The following KAT6B variants were observed in gnomAD, a reference collection of about 807,000 sequenced individuals.
KAT6B encodes lysine acetyltransferase 6B.
KAT6B carries 10 observed loss-of-function variants against 187.5 expected under a neutral mutation model. That is an observed-to-expected ratio of 0.05 (90% CI 0.03 to 0.09). The LOEUF (loss-of-function observed/expected upper bound fraction) is 0.09, where lower values mean the gene tolerates loss of function less well. Among genes scored for constraint, KAT6B ranks in the 10% least tolerant of loss-of-function variants. The probability of loss-of-function intolerance (pLI) is 1.00; values close to 1 mark genes in which losing one functional copy is unlikely to be tolerated. For missense variants in KAT6B, 1,952 were observed against 2,558.9 expected (o/e 0.76, Z 5.12); for synonymous variants, 861 against 926.8 (o/e 0.93, Z 1.29).
At chr10:74,927,452 C>CTT (rs11479404) in intron 3 of KAT6B, among the ~76,000 whole-genome samples, 14 of 116,648 alleles carry the variant, frequency 1.2e-4, no homozygotes, top group Non-Finnish European at 1.2e-4. Context: ...TGCAAGAAAC[C>CTT]TTTTTTTTTT....
chr10:75,020,246 A>C (rs535609441), intron 13 of KAT6B, among the ~76,000 whole-genome samples: 20 of 152,346 alleles, frequency 1.3e-4, no homozygotes, highest in Admixed American at 8.5e-4. Context: ...TTTTTGAAAG[A>C]ATCTAAAGCT....
intron 16 of KAT6B, chr10:75,024,088 C>T (rs1012025231): frequency 5.9e-5 from 9 of 151,896 alleles, no homozygotes; most frequent in African/African-American, 2.2e-4. Context: ...TCATTTGTGC[C>T]AACCTTTAGT....
At chr10:74,849,344 A>C (rs1842319233) in intron 3 of KAT6B, among the ~76,000 whole-genome samples, 1 of 150,024 alleles carries the variant, frequency 6.7e-6, no homozygotes, top group Admixed American at 6.7e-5. Context: ...TCCAGACTGG[A>C]GTACGCTGGT....
Position 75,030,066 on chromosome 10 carries a change from G to A in KAT6B, c.5242G>A (p.Val1748Ile), listed in dbSNP as rs774598396. ...CATCAGCTCCCCTCCGACCTGCAGC[G>A]TCAAGTCTCCTCAAGGCTGTGTGGT... ...TSISSPPTCS[V>I]KSPQGCVVER... Residue 1748 changes from valine (V) to isoleucine (I), a missense_variant, in exon 18 of 18, where the codon GTC becomes ATC. Val to Ile is a conservative substitution (Grantham distance 29, BLOSUM62 3). Transcript: ENST00000287239. This position sits in a 1 kb window ranked among gnomAD's most constrained non-coding sequence, Gnocchi z 4.8. The A allele has an allele frequency of 1.4e-5, 23 of 1,614,084 alleles. No individual in the cohort carries two copies. Among genetic ancestry groups the A allele is most frequent in the Non-Finnish European group, 1.8e-5 (21 of 1,180,042 alleles).
At chr10:74,892,471 G>A (rs888174958) in intron 3 of KAT6B, among the ~76,000 whole-genome samples, 3 of 152,100 alleles carry the variant, frequency 2.0e-5, no homozygotes, top group African/African-American at 7.2e-5. Flanking sequence ...ACTATAGGTG[G>A]ACTTAGCCTT....
At chr10:74,838,504 C>T (rs1381868703) in intron 1 of KAT6B, among the ~76,000 whole-genome samples, 179 bp from the exon 2 acceptor site, 1 of 152,036 alleles carries the variant, frequency 6.6e-6, no homozygotes, top group Non-Finnish European at 1.5e-5. Context: ...CATTTTCTGT[C>T]TCAAGTTTCA....
At chr10:74,849,441 C>T (rs1842326920) in intron 3 of KAT6B, among the ~76,000 whole-genome samples, 1 of 151,732 alleles carries the variant, frequency 6.6e-6, no homozygotes, top group Non-Finnish European at 1.5e-5. Context: ...TACAGGCACG[C>T]ACCACCAAGC....
chr10:74,828,397 A>G (rs1420927952), intron 1 of KAT6B, among the ~76,000 whole-genome samples: 1 of 151,894 alleles, frequency 6.6e-6, no homozygotes, highest in Admixed American at 6.6e-5. Flanking sequence ...GAAATAGCAA[A>G]TGGAAATTAG....
intron 13 of KAT6B, among the ~76,000 whole-genome samples, chr10:74,995,673 T>C (rs527787152): frequency 5.9e-5 from 9 of 152,372 alleles, no homozygotes; most frequent in African/African-American, 1.9e-4. Context: ...TTCTTTTCTT[T>C]GACAGCTGCA....
At chr10:74,900,227 A>C (rs1319794353) in intron 3 of KAT6B, among the ~76,000 whole-genome samples, 1 of 152,210 alleles carries the variant, frequency 6.6e-6, no homozygotes, top group Admixed American at 6.5e-5. Flanking sequence ...AATATTTAAA[A>C]TTTGTCATCC....
At chr10:74,952,126 G>A (rs1407319824) in intron 3 of KAT6B, among the ~76,000 whole-genome samples, 4 of 152,180 alleles carry the variant, frequency 2.6e-5, no homozygotes, top group African/African-American at 7.2e-5. Context: ...AGGCCGAGGT[G>A]GGTGGATTGC....
At chr10:74,981,347 CT>C (rs1348383439) in intron 10 of KAT6B, among the ~76,000 whole-genome samples, 2 of 134,894 alleles carry the variant, frequency 1.5e-5, no homozygotes, top group African/African-American at 5.8e-5. Flanking sequence ...TCCTTTCTTC[CT>C]TTCTTTCCTT....
At chr10:74,847,170 T>A (rs1842168579) in intron 3 of KAT6B, among the ~76,000 whole-genome samples, 1 of 152,254 alleles carries the variant, frequency 6.6e-6, no homozygotes, top group South Asian at 2.1e-4. Flanking sequence ...TTACTGCTCT[T>A]TTTATGATGC....
At chr10:75,019,909 T>G (rs1306433686) in intron 13 of KAT6B, among the ~76,000 whole-genome samples, 3 of 152,312 alleles carry the variant, frequency 2.0e-5, no homozygotes, top group East Asian at 3.9e-4. Context: ...TTGTTTTGTT[T>G]TGTCTTAATT....
chr10:74,959,776 G>T (rs758946904), intron 3 of KAT6B, among the ~76,000 whole-genome samples, 194 bp from the exon 4 acceptor site: 1 of 152,250 alleles, frequency 6.6e-6, no homozygotes, highest in Non-Finnish European at 1.5e-5. Context: ...GCGACAGAGC[G>T]AGACTTCGTC....
In KAT6B at chr10:74,984,919, T is replaced by C. The variant is rs1467721311; in HGVS notation, c.2374-161T>C. 3 of 678,580 alleles carry C rather than the reference T, an allele frequency of 4.4e-6. No homozygotes were observed. The African/African-American group carries it at 5.4e-5, about 12-fold the overall frequency. The allele number at this position is 678,580 out of a possible 1,614,324, so 42.0% of individuals were successfully genotyped here. On this transcript the variant is annotated intron_variant, in intron 11 of 17. Coordinates refer to ENST00000287239, the MANE Select transcript of KAT6B (RefSeq NM_012330.4). Reference sequence around the variant, plus strand: ...AATTCTGATTTGCCAGTGACAGCTGTTTTCTGGTTAAAGCTGTACTTGCTT... The same window carrying C: ...AATTCTGATTTGCCAGTGACAGCTGCTTTCTGGTTAAAGCTGTACTTGCTT...
At chr10:74,896,709 T>G (rs1469447484) in intron 3 of KAT6B, among the ~76,000 whole-genome samples, 1 of 152,262 alleles carries the variant, frequency 6.6e-6, no homozygotes, top group Non-Finnish European at 1.5e-5. Context: ...TAATTTTATC[T>G]GCTAAGATTT....
chr10:74,906,905 A>T (rs1288043137), intron 3 of KAT6B, among the ~76,000 whole-genome samples: 1 of 152,148 alleles, frequency 6.6e-6, no homozygotes, highest in Non-Finnish European at 1.5e-5. Context: ...ACCTGGTCAC[A>T]GCTTTGCAGT....
At chr10:74,891,323 C>T (rs1845632148) in intron 3 of KAT6B, among the ~76,000 whole-genome samples, 1 of 152,204 alleles carries the variant, frequency 6.6e-6, no homozygotes, top group African/African-American at 2.4e-5. Flanking sequence ...ACATGCCTTG[C>T]TGAGAAGACC....
Sources: gnomAD v4.1 joint callset for allele counts (sites outside exome capture counted in the v4.1 genomes callset) on GRCh38, gnomAD v4.1.1 for gene constraint, Gnocchi (gnomAD v3.1) non-coding constraint, MANE v1.5 for transcripts, NCBI Gene and HGNC (gene_info 2026-07-23, HGNC 2026-07-21) for gene names.